The following CTNNA2 variants were observed in gnomAD, a reference collection of about 807,000 sequenced individuals.
The protein encoded by CTNNA2 is catenin alpha 2.
Under a neutral mutation model 101.0 loss-of-function variants are expected in CTNNA2, and 42 were observed. The observed-to-expected ratio is 0.42, with a 90% CI of 0.32 to 0.54. The LOEUF (loss-of-function observed/expected upper bound fraction) is 0.54, where lower values mean the gene tolerates loss of function less well. Ranked by LOEUF, CTNNA2 falls within the 20% of genes least tolerant of loss-of-function variation. CTNNA2 has a pLI of 0.14. For synonymous variants in CTNNA2, 450 were observed against 456.4 expected, an observed-to-expected ratio of 0.99 and a Z score of 0.18; for missense variants, 871 against 1,223.1, an observed-to-expected ratio of 0.71 and a Z score of 4.29.
chr2:79,974,097 T>C (rs1690674963), intron 7 of CTNNA2, among the ~76,000 whole-genome samples: 2 of 152,108 alleles, frequency 1.3e-5, no homozygotes, highest in Admixed American at 1.3e-4. Context: ...TTTTTGTCAT[T>C]TTTTTTAAAC....
intron 2 of CTNNA2, among the ~76,000 whole-genome samples, chr2:79,285,441 C>G (rs1298666949): frequency 6.8e-6 from 1 of 147,754 alleles, no homozygotes; most frequent in Non-Finnish European, 1.5e-5. Context: ...CCCAGAGATT[C>G]TGGTATGTTG....
intron 16 of CTNNA2, among the ~76,000 whole-genome samples, chr2:80,606,585 A>C (rs1698050872): frequency 6.6e-6 from 1 of 151,886 alleles, no homozygotes. Context: ...TTCAGAAAAA[A>C]ATGTTATCAA....
chr2:79,989,207 A>G (rs1289073739), intron 7 of CTNNA2, among the ~76,000 whole-genome samples: 3 of 152,222 alleles, frequency 2.0e-5, no homozygotes, highest in Admixed American at 6.5e-5. Context: ...AACCCAAAAT[A>G]CAAACATTTC....
intron 7 of CTNNA2, among the ~76,000 whole-genome samples, chr2:80,179,634 A>G (rs1219999583): frequency 6.6e-6 from 1 of 152,110 alleles, no homozygotes; most frequent in African/African-American, 2.4e-5. Context: ...CAGCCTCCCA[A>G]AATGCTGGGA....
chr2:79,903,671 T>G (rs926067082), intron 6 of CTNNA2, among the ~76,000 whole-genome samples: 14 of 152,100 alleles, frequency 9.2e-5, no homozygotes, highest in Non-Finnish European at 2.9e-5. Context: ...TAGACTGCTA[T>G]GGGGACAAAC....
chr2:79,601,942 C>T (rs1414694930), intron 1 of CTNNA2, among the ~76,000 whole-genome samples: 2 of 152,146 alleles, frequency 1.3e-5, no homozygotes, highest in Admixed American at 6.5e-5. Flanking sequence ...TCAGAACACT[C>T]GTGTTAGCCT....
chr2:79,867,815 T>C (rs1042202204), intron 4 of CTNNA2, among the ~76,000 whole-genome samples: 1 of 152,198 alleles, frequency 6.6e-6, no homozygotes, highest in Admixed American at 6.5e-5. Context: ...GAGATAATTA[T>C]TGTGCTCTTC....
At chr2:79,886,862 T>C (rs1474882692) in intron 6 of CTNNA2, among the ~76,000 whole-genome samples, 2 of 149,822 alleles carry the variant, frequency 1.3e-5, no homozygotes, top group Non-Finnish European at 3.0e-5. Flanking sequence ...GGTCTCCCTC[T>C]GTCACCCAGG....
intron 4 of CTNNA2, among the ~76,000 whole-genome samples, chr2:79,481,322 T>A (rs1671107464): frequency 6.6e-6 from 1 of 152,262 alleles, no homozygotes; most frequent in South Asian, 2.1e-4. Context: ...AAAAAGATGC[T>A]CTGTTTCTCC....
At chr2:80,222,206 T>A (rs775252803) in intron 7 of CTNNA2, among the ~76,000 whole-genome samples, 38 of 152,168 alleles carry the variant, frequency 2.5e-4, no homozygotes, top group Non-Finnish European at 5.9e-5. Flanking sequence ...CATCTCATCA[T>A]CCTGGTCTAT....
chr2:80,036,848 T>TGAGA lies in CTNNA2; in HGVS notation c.1056+127078_1056+127081dup, dbSNP rs71965090. Among the ~76,000 whole-genome samples the TGAGA allele has an allele frequency of 4.9e-3, 590 of 120,322 alleles. 6 individuals carry two copies. Among genetic ancestry groups the TGAGA allele is most frequent in the African/African-American group, 0.017 (538 of 30,798 alleles). The allele number at this position is 120,322 out of a possible 152,430, so 78.9% of individuals were successfully genotyped here. The stretch of plus-strand genomic sequence containing the variant: ...TTGTGTGTGTGTGTGTGTGTGTGTG[T>TGAGA]GAGAGAGAGAGAGAGAGAGAGAGAG... On this transcript the variant is annotated intron_variant, in intron 7 of 18. Coordinates refer to ENST00000402739, the MANE Select transcript of CTNNA2 (RefSeq NM_001282597.3).
At chr2:79,541,629 A>G (rs986985839) in intron 1 of CTNNA2, among the ~76,000 whole-genome samples, 3 of 146,804 alleles carry the variant, frequency 2.0e-5, no homozygotes, top group Non-Finnish European at 4.5e-5. Context: ...CAATCTTCAT[A>G]ATTTTTTTTT....
intron 4 of CTNNA2, among the ~76,000 whole-genome samples, chr2:79,397,947 G>T (rs1678250476): frequency 6.6e-6 from 1 of 151,998 alleles, no homozygotes; most frequent in African/African-American, 2.4e-5. Context: ...CCTTCAACAA[G>T]AACTTGTGGA....
At chr2:80,243,931 G>A (rs1671133733) in intron 7 of CTNNA2, among the ~76,000 whole-genome samples, 1 of 152,146 alleles carries the variant, frequency 6.6e-6, no homozygotes, top group Non-Finnish European at 1.5e-5. Context: ...CATCCTGGCT[G>A]GCTTTTGCTG....
chr2:79,866,008 C>A (rs891123580), intron 4 of CTNNA2, among the ~76,000 whole-genome samples: 6 of 152,218 alleles, frequency 3.9e-5, no homozygotes, highest in Non-Finnish European at 7.3e-5. Flanking sequence ...CGTGAGCCAC[C>A]GCGGCCAGCC....
At chr2:80,639,657 A>G (rs1290437965) in intron 18 of CTNNA2, among the ~76,000 whole-genome samples, 1 of 152,132 alleles carries the variant, frequency 6.6e-6, no homozygotes, top group Non-Finnish European at 1.5e-5. Context: ...ATCATCCCCA[A>G]AATGTTTTGC....
intron 7 of CTNNA2, among the ~76,000 whole-genome samples, chr2:80,267,945 G>A (rs1673140983): frequency 6.6e-6 from 1 of 152,230 alleles, no homozygotes. Flanking sequence ...CTGCTTCCCA[G>A]CTACTGCCCT....
At chr2:80,022,255 G>T (rs748125100) in intron 7 of CTNNA2, among the ~76,000 whole-genome samples, 1 of 152,188 alleles carries the variant, frequency 6.6e-6, no homozygotes, top group South Asian at 2.1e-4. Context: ...TGGCTGACAT[G>T]GAGGTGGGCC....
intron 7 of CTNNA2, among the ~76,000 whole-genome samples, chr2:80,374,555 T>C (rs1675745168): frequency 6.6e-6 from 1 of 152,130 alleles, no homozygotes; most frequent in Admixed American, 6.5e-5. Context: ...CTCACAGTTC[T>C]GGAGACTAGA....
Sources: gnomAD v4.1 joint callset for allele counts (sites outside exome capture counted in the v4.1 genomes callset) on GRCh38, gnomAD v4.1.1 for gene constraint, MANE v1.5 for transcripts, NCBI Gene and HGNC (gene_info 2026-07-23, HGNC 2026-07-21) for gene names.